Variants in GATB observed in about 807,000 individuals in gnomAD.
GATB encodes glutamyl-tRNA amidotransferase subunit B, also known as glutamyl-tRNA(Gln) amidotransferase subunit B, mitochondrial.
GATB carries 39 observed loss-of-function variants against 62.3 expected under a neutral mutation model. That is an observed-to-expected ratio of 0.63 (90% CI 0.48 to 0.82). GATB has a LOEUF of 0.82. Among genes scored for constraint, GATB ranks in the 40% least tolerant of loss-of-function variants. The pLI is 0.00. For synonymous variants in GATB, 276 were observed against 258.9 expected, an observed-to-expected ratio of 1.07 and a Z score of -0.63; for missense variants, 670 against 684.0, an observed-to-expected ratio of 0.98 and a Z score of 0.23.
Position 151,731,125 on chromosome 4 carries a change from G to A in GATB, c.328-11587C>T, listed in dbSNP as rs112943168. The stretch of plus-strand genomic sequence containing the variant: ...CCCTTCCCCCTCCCCCTCTCCCCAC[G>A]GTCTCCCTCTCTCTTTCCACGGTCT... On this transcript the variant is annotated intron_variant, in intron 2 of 12. Transcript: ENST00000263985. Among the ~76,000 whole-genome samples the A allele has an allele frequency of 4.8e-4, 30 of 61,922 alleles. No individual in the cohort carries two copies. In the East Asian group the frequency reaches 6.2e-3, roughly 13 times the overall value. The allele number at this position is 61,922 out of a possible 152,430, so 40.6% of individuals were successfully genotyped here. A position where few individuals can be genotyped will look rare whatever the true frequency, so the allele number is the denominator to read the frequency against.
At chr4:151,678,642 G>A (rs775982953) in intron 11 of GATB, among the ~76,000 whole-genome samples, 15 of 151,840 alleles carry the variant, frequency 9.9e-5, no homozygotes, top group South Asian at 2.1e-4. Context: ...TATTAGTCCC[G>A]TCTCCAGTTC....
chr4:151,710,231 C>A (rs1385862994), intron 5 of GATB, among the ~76,000 whole-genome samples: 3 of 152,218 alleles, frequency 2.0e-5, no homozygotes, highest in African/African-American at 7.2e-5. Context: ...TTAACTCCCA[C>A]TTGCCTTCTC....
intron 2 of GATB, among the ~76,000 whole-genome samples, chr4:151,738,814 A>C (rs1739428473): frequency 1.3e-5 from 2 of 152,258 alleles, no homozygotes; most frequent in Admixed American, 1.3e-4. Flanking sequence ...GGAAATGAAC[A>C]ATTAGCAAGT....
At chr4:151,679,457 G>A (rs533521999) in intron 11 of GATB, among the ~76,000 whole-genome samples, 2 of 152,230 alleles carry the variant, frequency 1.3e-5, no homozygotes, top group Admixed American at 6.5e-5. Context: ...GTGTGGGGGC[G>A]GGACAAGAGC....
At chr4:151,751,577 C>T (rs1466989774) in intron 2 of GATB, among the ~76,000 whole-genome samples, 1 of 152,210 alleles carries the variant, frequency 6.6e-6, no homozygotes, top group Non-Finnish European at 1.5e-5. Context: ...CAATTTAGAA[C>T]ATGACTTCCA....
intron 2 of GATB, among the ~76,000 whole-genome samples, chr4:151,743,047 T>G (rs1045644462): frequency 2.0e-5 from 3 of 152,210 alleles, no homozygotes; most frequent in African/African-American, 7.2e-5. Context: ...TCTAGTGAAC[T>G]AAAAACCTCA....
intron 6 of GATB, among the ~76,000 whole-genome samples, chr4:151,707,689 T>C (rs1265394631): frequency 6.6e-6 from 1 of 152,204 alleles, no homozygotes; most frequent in Non-Finnish European, 1.5e-5. Flanking sequence ...ATGCTCCCAC[T>C]GCCTCATAAG....
chr4:151,676,049 T>C (rs976712417), intron 11 of GATB: 3 of 152,194 alleles, frequency 2.0e-5, no homozygotes, highest in Non-Finnish European at 2.9e-5. Context: ...GAGGGAGCTG[T>C]CACAGTTACA....
In GATB at chr4:151,716,101, G is replaced by C. The variant is rs201506834; in HGVS notation, c.671C>G (p.Pro224Arg). ...CGCCTCTTCTCCACAGGACATGTCG[G>C]GCTCCAGGACCACCTCCAGAAGGCC... ...GVGLLEVVLE[P>R]DMSCGEEAAT... Residue 224 changes from proline to arginine, a missense_variant, in exon 5 of 13, where the codon CCC becomes CGC. By Grantham distance (103) the Pro-to-Arg change is moderately radical (BLOSUM62 -2). Transcript: ENST00000263985. 4.3e-6 allele frequency: 7 copies of C among 1,613,682 alleles called. No homozygotes were observed. The highest frequency in any genetic ancestry group is 1.7e-4 in the Middle Eastern group (1 of 6,058).
intron 5 of GATB, among the ~76,000 whole-genome samples, chr4:151,711,854 G>A (rs1738824251): frequency 6.6e-6 from 1 of 152,176 alleles, no homozygotes; most frequent in South Asian, 2.1e-4. Flanking sequence ...CCTGAGCAAT[G>A]AGTAAGCAGA....
intron 9 of GATB, among the ~76,000 whole-genome samples, chr4:151,698,566 C>G (rs1483080822): frequency 6.6e-6 from 1 of 152,188 alleles, no homozygotes; most frequent in Non-Finnish European, 1.5e-5. Context: ...TCTCAGCAAT[C>G]TGTTGTGTTT....
At chr4:151,708,546 G>A (rs1311839961) in intron 5 of GATB, among the ~76,000 whole-genome samples, 1 of 152,148 alleles carries the variant, frequency 6.6e-6, no homozygotes, top group Non-Finnish European at 1.5e-5. Flanking sequence ...GCTCTCCATT[G>A]GAATGTGGAT....
chr4:151,705,150 G>C (rs199960945), intron 7 of GATB, 35 bp downstream of exon 7: 2 of 1,490,454 alleles, frequency 1.3e-6, no homozygotes, highest in Non-Finnish European at 1.9e-6. Context: ...CACCACCCCC[G>C]GCTGTGGTCA....
rs1189172509 is a variant in GATB, at chr4:151,754,629, CA to C, written c.327+4142del. Among the ~76,000 whole-genome samples, 4 of 152,022 alleles carry C rather than the reference CA, an allele frequency of 2.6e-5. No homozygotes were observed. In the East Asian group the frequency reaches 7.7e-4, roughly 29 times the overall value. ...TCTACAGAAAGACTATACATTATAACAATTGTTTTAAGTGACAATCCTAATT... is the reference window on the plus strand; with the variant it reads ...TCTACAGAAAGACTATACATTATAACATTGTTTTAAGTGACAATCCTAATT... On this transcript the variant is annotated intron_variant, in intron 2 of 12. Coordinates refer to ENST00000263985, the MANE Select transcript of GATB (RefSeq NM_004564.3).
chr4:151,751,343 T>G (rs553858968), intron 2 of GATB, among the ~76,000 whole-genome samples: 1 of 152,354 alleles, frequency 6.6e-6, no homozygotes, highest in South Asian at 2.1e-4. Context: ...TGCTTTTGAC[T>G]ACTAGTCTGT....
intron 11 of GATB, chr4:151,675,565 T>A (rs1737982772): frequency 6.6e-6 from 1 of 152,072 alleles, no homozygotes; most frequent in African/African-American, 2.4e-5. Context: ...GCTCACAGAG[T>A]GGCCTCTGTG....
intron 5 of GATB, 51 bp from the exon 6 acceptor site, chr4:151,708,152 G>C (rs762863729): frequency 8.2e-7 from 1 of 1,213,520 alleles, no homozygotes; most frequent in Admixed American, 1.7e-5. Flanking sequence ...AGGTGACATA[G>C]TCTTTTAAAG....
At chr4:151,724,302 T>TAAC (rs1175912272) in intron 2 of GATB, 1 of 152,326 alleles carries the variant, frequency 6.6e-6, no homozygotes, top group Non-Finnish European at 1.5e-5. Flanking sequence ...GGTCTTTGTT[T>TAAC]AAACACCACC....
chr4:151,729,590 T>C (rs1307116914), intron 2 of GATB, among the ~76,000 whole-genome samples: 1 of 152,202 alleles, frequency 6.6e-6, no homozygotes, highest in Non-Finnish European at 1.5e-5. Context: ...TGCCATGATG[T>C]CTGCAACTTA....
Sources: gnomAD v4.1 joint callset for allele counts (sites outside exome capture counted in the v4.1 genomes callset) on GRCh38, gnomAD v4.1.1 for gene constraint, MANE v1.5 for transcripts, NCBI Gene and HGNC (gene_info 2026-07-23, HGNC 2026-07-21) for gene names.